Variants in INPP4B observed in about 807,000 individuals in gnomAD.
INPP4B encodes inositol polyphosphate-4-phosphatase type II B, also known as inositol polyphosphate 4-phosphatase type II.
INPP4B carries 55 observed loss-of-function variants against 122.5 expected under a neutral mutation model. The ratio of observed to expected loss-of-function variants is 0.45; its 90% confidence interval spans 0.36 to 0.56. The LOEUF is 0.56. Ranked by LOEUF, INPP4B falls within the 20% of genes least tolerant of loss-of-function variation. INPP4B has a pLI of 0.00. For missense variants in INPP4B, 1,000 were observed against 1,097.7 expected, an observed-to-expected ratio of 0.91 and a Z score of 1.26; for synonymous variants, 403 against 388.7, an observed-to-expected ratio of 1.04 and a Z score of -0.43.
chr4:142,784,918 A>G (rs980169143), intron 1 of INPP4B, among the ~76,000 whole-genome samples: 12 of 152,104 alleles, frequency 7.9e-5, no homozygotes, highest in Admixed American at 3.9e-4. Context: ...GATAACAAAA[A>G]AGAGCTAAGA....
At chr4:142,262,622 C>T (rs867230304) in intron 10 of INPP4B, among the ~76,000 whole-genome samples, 2 of 152,128 alleles carry the variant, frequency 1.3e-5, no homozygotes, top group Middle Eastern at 3.4e-3. Flanking sequence ...GTTTTCTTCC[C>T]CTGAAGGTAC....
chr4:142,206,828 C>A (rs1842780600), intron 14 of INPP4B, among the ~76,000 whole-genome samples: 1 of 151,850 alleles, frequency 6.6e-6, no homozygotes, highest in Admixed American at 6.6e-5. Flanking sequence ...AAGATCTACC[C>A]CCTCAGCAAT....
At chr4:142,435,267 GTTTTGTTTTGTTT>G (rs1340009869) in intron 3 of INPP4B, among the ~76,000 whole-genome samples, 2 of 152,032 alleles carry the variant, frequency 1.3e-5, no homozygotes, top group African/African-American at 4.8e-5. Context: ...TATTCATTTA[GTTTTGTTTTGTTT>G]TGTGCTCTCA....
intron 22 of INPP4B, 109 bp from the exon 23 acceptor site, chr4:142,108,299 A>G: frequency 1.5e-6 from 1 of 670,464 alleles, no homozygotes; most frequent in East Asian, 2.7e-5. Flanking sequence ...CTAAGGAAAG[A>G]GTCTGTCTCA....
chr4:142,314,191 G>A (rs3756121), intron 8 of INPP4B, among the ~76,000 whole-genome samples: 18,240 of 152,154 alleles, frequency 0.12, 1,349 homozygotes, highest in Middle Eastern at 0.2. Context: ...GTACCTTCTT[G>A]TTCTTCTCTA....
chr4:142,149,524 T>C (rs1452681016), intron 17 of INPP4B, among the ~76,000 whole-genome samples: 2 of 151,678 alleles, frequency 1.3e-5, no homozygotes, highest in Non-Finnish European at 2.9e-5. Context: ...AGAAATGGGG[T>C]ACACAGTAGC....
At chr4:142,077,288 G>C (rs554315261) in intron 25 of INPP4B, among the ~76,000 whole-genome samples, 2 of 151,890 alleles carry the variant, frequency 1.3e-5, no homozygotes, top group South Asian at 4.1e-4. Context: ...ATTTTAAGGA[G>C]CTATGACAGA....
intron 2 of INPP4B, among the ~76,000 whole-genome samples, chr4:142,634,041 A>T (rs1023836385): frequency 2.7e-5 from 4 of 149,668 alleles, no homozygotes; most frequent in Non-Finnish European, 5.9e-5. Context: ...AAAAGGAGGG[A>T]GGTGGGGGGA....
intron 2 of INPP4B, among the ~76,000 whole-genome samples, chr4:142,502,059 G>A (rs752047190): frequency 2.0e-5 from 3 of 152,146 alleles, no homozygotes; most frequent in Admixed American, 6.6e-5. Flanking sequence ...GTTAAAAACA[G>A]TAGCTAAGGA....
chr4:142,492,153 G>T (rs1331478613), intron 2 of INPP4B, among the ~76,000 whole-genome samples: 1 of 152,090 alleles, frequency 6.6e-6, no homozygotes, highest in Admixed American at 6.6e-5. Flanking sequence ...AGAAGGATGT[G>T]TTTGCTTCCA....
At chr4:142,494,059 C>T (rs1822214929) in intron 2 of INPP4B, among the ~76,000 whole-genome samples, 1 of 152,092 alleles carries the variant, frequency 6.6e-6, no homozygotes, top group Non-Finnish European at 1.5e-5. Flanking sequence ...TCTGCCTTTG[C>T]TCAGAACTTC....
intron 2 of INPP4B, among the ~76,000 whole-genome samples, chr4:142,638,454 T>C (rs1452907237): frequency 1.3e-5 from 2 of 152,196 alleles, no homozygotes; most frequent in East Asian, 3.8e-4. Context: ...TGATCCATTG[T>C]ATTGCCTTTG....
chr4:142,612,187 G>A (rs1158335639), intron 2 of INPP4B, among the ~76,000 whole-genome samples: 1 of 152,196 alleles, frequency 6.6e-6, no homozygotes, highest in Non-Finnish European at 1.5e-5. Context: ...GAATAGCCAA[G>A]GAGTTGGCAA....
At chr4:142,501,078 AT>A (rs1823310597) in intron 2 of INPP4B, among the ~76,000 whole-genome samples, 1 of 152,172 alleles carries the variant, frequency 6.6e-6, no homozygotes, top group Non-Finnish European at 1.5e-5. Context: ...TAGTGCCCCA[AT>A]CTCCCAGTCT....
intron 7 of INPP4B, among the ~76,000 whole-genome samples, chr4:142,387,197 T>C (rs1796234826): frequency 6.6e-6 from 1 of 152,084 alleles, no homozygotes; most frequent in Non-Finnish European, 1.5e-5. Flanking sequence ...TTGTAAAAAT[T>C]TGTCCATTAA....
At chr4:142,802,768 T>A (rs538068795) in intron 1 of INPP4B, among the ~76,000 whole-genome samples, 1 of 151,828 alleles carries the variant, frequency 6.6e-6, no homozygotes, top group African/African-American at 2.4e-5. Flanking sequence ...CCTCTTTCAG[T>A]TTCTTTTTTT....
chr4:142,831,011 G>C (rs2151182612), intron 1 of INPP4B, among the ~76,000 whole-genome samples: 1 of 151,776 alleles, frequency 6.6e-6, no homozygotes, highest in Admixed American at 6.6e-5. Context: ...GACAGAGTGA[G>C]ACCCTGTCTC....
intron 2 of INPP4B, among the ~76,000 whole-genome samples, chr4:142,578,080 C>T (rs1734234073): frequency 1.3e-5 from 2 of 151,820 alleles, no homozygotes; most frequent in East Asian, 1.9e-4. Context: ...GTGCAAATAC[C>T]GGAGCTGAGG....
intron 3 of INPP4B, among the ~76,000 whole-genome samples, chr4:142,433,278 C>G (rs980780422): frequency 5.3e-5 from 8 of 152,010 alleles, no homozygotes; most frequent in Non-Finnish European, 7.4e-5. Flanking sequence ...TGCCTACTTG[C>G]AAAATTTTTT....
Sources: gnomAD v4.1 joint callset for allele counts (sites outside exome capture counted in the v4.1 genomes callset) on GRCh38, gnomAD v4.1.1 for gene constraint, MANE v1.5 for transcripts, NCBI Gene and HGNC (gene_info 2026-07-23, HGNC 2026-07-21) for gene names.